ABLIM1: variants seen among roughly 807,000 people sequenced by gnomAD.
ABLIM1 encodes actin binding LIM protein 1.
Under a neutral mutation model 107.0 loss-of-function variants are expected in ABLIM1, and 40 were observed. The ratio of observed to expected loss-of-function variants is 0.37; its 90% CI spans 0.29 to 0.49. ABLIM1 has a LOEUF of 0.49. Among genes scored for constraint, ABLIM1 ranks in the 20% least tolerant of loss-of-function variants. The pLI, the probability that ABLIM1 is intolerant of heterozygous loss-of-function variation, is 0.97. For synonymous variants in ABLIM1, 357 were observed against 357.3 expected, an observed-to-expected ratio of 1.00 and a Z score of 0.01; for missense variants, 857 against 1,008.5, an observed-to-expected ratio of 0.85 and a Z score of 2.04.
intron 8 of ABLIM1, among the ~76,000 whole-genome samples, chr10:114,486,356 C>T (rs1198302791): frequency 6.6e-6 from 1 of 152,120 alleles, no homozygotes; most frequent in Non-Finnish European, 1.5e-5. Context: ...ATTAGAAAAC[C>T]TAAAAGCAAC....
intron 1 of ABLIM1, among the ~76,000 whole-genome samples, chr10:114,722,704 C>G (rs933415439): frequency 2.0e-5 from 3 of 152,232 alleles, no homozygotes; most frequent in Non-Finnish European, 4.4e-5. Context: ...CCCACTGGTG[C>G]CCAAAATAGT....
chr10:114,763,934 C>T (rs1006216891), intron 1 of ABLIM1, among the ~76,000 whole-genome samples: 2 of 152,176 alleles, frequency 1.3e-5, no homozygotes, highest in Non-Finnish European at 2.9e-5. Flanking sequence ...TCTTATGATC[C>T]TGCCATAATG....
intron 1 of ABLIM1, among the ~76,000 whole-genome samples, chr10:114,634,059 T>C (rs1284406870): frequency 6.7e-6 from 1 of 149,590 alleles, no homozygotes; most frequent in African/African-American, 2.5e-5. Flanking sequence ...TAAAACACCA[T>C]TGGTTTCTAG....
intron 10 of ABLIM1, among the ~76,000 whole-genome samples, chr10:114,472,169 C>T (rs753361927): frequency 6.6e-6 from 1 of 152,192 alleles, no homozygotes; most frequent in Non-Finnish European, 1.5e-5. Flanking sequence ...CATAGATTAG[C>T]TTGCTTAATC....
chr10:114,524,596 C>A (rs142462479), intron 6 of ABLIM1, among the ~76,000 whole-genome samples: 317 of 151,832 alleles, frequency 2.1e-3, no homozygotes, highest in African/African-American at 4.6e-3. Context: ...ACAACAACAA[C>A]AAAAAACTCT....
intron 8 of ABLIM1, among the ~76,000 whole-genome samples, chr10:114,475,017 T>C (rs1283875940): frequency 1.3e-5 from 2 of 152,196 alleles, no homozygotes; most frequent in Non-Finnish European, 2.9e-5. Context: ...CTGGAGTCCA[T>C]TAAGCCACTT....
At chr10:114,780,101 G>A in the ABLIM1 span, among the ~76,000 whole-genome samples, 1 of 152,048 alleles carries the variant, frequency 6.6e-6, no homozygotes, top group Non-Finnish European at 1.5e-5. Context: ...CTCTATAAAA[G>A]CACTGCTCAC....
At chr10:114,557,427 C>A (rs2068896763) in intron 4 of ABLIM1, among the ~76,000 whole-genome samples, 1 of 152,190 alleles carries the variant, frequency 6.6e-6, no homozygotes, top group Non-Finnish European at 1.5e-5. Flanking sequence ...AAGCAGAAGG[C>A]AGGCAGGGCA....
intron 1 of ABLIM1, among the ~76,000 whole-genome samples, chr10:114,608,062 T>A (rs2076546529): frequency 6.6e-6 from 1 of 152,202 alleles, no homozygotes; most frequent in Non-Finnish European, 1.5e-5. Flanking sequence ...CTAAAATGGT[T>A]TTAAGAAAAT....
chr10:114,613,743 T>C, intron 1 of ABLIM1: 3 of 1,307,780 alleles, frequency 2.3e-6, no homozygotes, highest in South Asian at 1.2e-5. Context: ...TGTCAAACAT[T>C]CTAGAATGCT....
chr10:114,684,488 G>C, exon 1 of ABLIM1: 1 of 1,446,238 alleles, frequency 6.9e-7, no homozygotes, highest in East Asian at 2.4e-5. Context: ...ACCCGAGGGA[G>C]GGGTGTGCCA....
At chr10:114,763,655 A>G (rs1449117511) in intron 1 of ABLIM1, among the ~76,000 whole-genome samples, 1 of 152,110 alleles carries the variant, frequency 6.6e-6, no homozygotes, top group Non-Finnish European at 1.5e-5. Flanking sequence ...AAGTGCTGGG[A>G]TCAGAGGCAT....
intron 15 of ABLIM1, 139 bp from the exon 16 acceptor site, chr10:114,445,542 G>A: frequency 1.4e-6 from 1 of 710,938 alleles, no homozygotes; most frequent in Admixed American, 2.5e-5. Context: ...CAATACAAGA[G>A]AAAACAAAAA....
the ABLIM1 span, chr10:114,776,239 T>G: frequency 2.6e-5 from 4 of 152,192 alleles, no homozygotes; most frequent in African/African-American, 9.7e-5. Flanking sequence ...CATTTATTTT[T>G]TCATAATTTC....
chr10:114,491,004 G>GTATATATATATATA lies in ABLIM1; in HGVS notation c.982+786_982+787insTATATATATATATA, dbSNP rs1397165080. On this transcript the variant is annotated intron_variant, in intron 7 of 22. Transcript: ENST00000533213. ...TGTGTGTGTGTGTGTGTGTGTGTGTGTGTGTGTGTATATATATATATGGTC... is the reference window on the plus strand; with the variant it reads ...TGTGTGTGTGTGTGTGTGTGTGTGTGTATATATATATATATGTGTGTGTATATATATATATGGTC... Among the ~76,000 whole-genome samples, 23 of 79,610 alleles carry GTATATATATATATA rather than the reference G, an allele frequency of 2.9e-4. No individual in the cohort carries two copies. In the South Asian group the frequency reaches 3.8e-3, roughly 13 times the overall value. 52.2% of individuals were successfully genotyped at this position (79,610 alleles called of 152,430 possible).
chr10:114,509,595 A>C (rs1260974516), intron 6 of ABLIM1, among the ~76,000 whole-genome samples: 1 of 152,164 alleles, frequency 6.6e-6, no homozygotes, highest in East Asian at 1.9e-4. Context: ...ACTCTGGATA[A>C]AAAGACCTGA....
At chr10:114,603,057 C>A (rs914045207) in intron 1 of ABLIM1, among the ~76,000 whole-genome samples, 8 of 152,222 alleles carry the variant, frequency 5.3e-5, no homozygotes, top group Admixed American at 5.2e-4. Flanking sequence ...AAACATACTC[C>A]TTAAGGAATG....
At chr10:114,720,939 T>C (rs913899471) in intron 1 of ABLIM1, among the ~76,000 whole-genome samples, 2 of 152,184 alleles carry the variant, frequency 1.3e-5, no homozygotes, top group African/African-American at 4.8e-5. Context: ...AGCAGTGGCT[T>C]AGAACCAAAC....
At chr10:114,665,085 C>G (rs936068617) in intron 1 of ABLIM1, among the ~76,000 whole-genome samples, 1 of 149,602 alleles carries the variant, frequency 6.7e-6, no homozygotes, top group Non-Finnish European at 1.5e-5. Flanking sequence ...CCACTGCACT[C>G]CGGCCTCGGC....
Sources: gnomAD v4.1 joint callset for allele counts (sites outside exome capture counted in the v4.1 genomes callset) on GRCh38, gnomAD v4.1.1 for gene constraint, MANE v1.5 for transcripts, NCBI Gene and HGNC (gene_info 2026-07-23, HGNC 2026-07-21) for gene names.